The following ADCY9 variants were observed in gnomAD, a reference collection of about 807,000 sequenced individuals.
ADCY9 encodes the protein adenylate cyclase type 9.
Under a neutral mutation model 101.5 loss-of-function variants are expected in ADCY9, and 50 were observed. The observed-to-expected ratio is 0.49, with a 90% CI of 0.39 to 0.62. ADCY9 has a LOEUF of 0.62. Among genes scored for constraint, ADCY9 ranks in the 20% least tolerant of loss-of-function variants. The pLI is 0.00. For synonymous variants in ADCY9, 905 were observed against 769.3 expected, an observed-to-expected ratio of 1.18 and a Z score of -2.92; for missense variants, 1,662 against 1,800.4, an observed-to-expected ratio of 0.92 and a Z score of 1.39.
intron 5 of ADCY9, among the ~76,000 whole-genome samples, chr16:3,990,378 A>G (rs1163470764): frequency 6.6e-6 from 1 of 152,068 alleles, no homozygotes; most frequent in Non-Finnish European, 1.5e-5. Flanking sequence ...AGGCAGGAGA[A>G]TCACTTGAAC....
At chr16:4,075,141 C>T (rs1378709247) in intron 2 of ADCY9, among the ~76,000 whole-genome samples, 1 of 151,778 alleles carries the variant, frequency 6.6e-6, no homozygotes, top group Non-Finnish European at 1.5e-5. Flanking sequence ...CATGCCACTC[C>T]ACTCCAGCCT....
chr16:4,010,103 G>T (rs2056393656), intron 2 of ADCY9, among the ~76,000 whole-genome samples: 1 of 152,208 alleles, frequency 6.6e-6, no homozygotes, highest in South Asian at 2.1e-4. Context: ...GTCTGTGGCT[G>T]GCCCTGCAAG....
intron 2 of ADCY9, among the ~76,000 whole-genome samples, chr16:4,088,933 C>T (rs2056956284): frequency 6.6e-6 from 1 of 151,990 alleles, no homozygotes; most frequent in Non-Finnish European, 1.5e-5. Flanking sequence ...ATTTTCATCA[C>T]CCCGAAAGGA....
intron 2 of ADCY9, among the ~76,000 whole-genome samples, chr16:4,069,421 AG>A (rs1164061749): frequency 2.3e-5 from 2 of 88,460 alleles, no homozygotes; most frequent in African/African-American, 9.1e-5. Flanking sequence ...TTCTCGGGGG[AG>A]CCGTGAAGAT....
downstream of ADCY9, among the ~76,000 whole-genome samples, chr16:3,959,121 G>A (rs7198973): frequency 0.29 from 43,408 of 151,962 alleles, 7,052 homozygotes; most frequent in African/African-American, 0.43. Flanking sequence ...AGCACTTTGG[G>A]AGGCTGAGGT....
chr16:3,969,615 T>TC (rs2056033927), intron 10 of ADCY9, among the ~76,000 whole-genome samples: 1 of 88,458 alleles, frequency 1.1e-5, no homozygotes, highest in Non-Finnish European at 2.0e-5. Flanking sequence ...TATATGTATT[T>TC]TTTTTTTTTT....
rs1042847369 is a variant in ADCY9, at chr16:4,114,578, C to T, written c.865G>A (p.Gly289Ser). The stretch of plus-strand genomic sequence containing the variant: ...TGGACCCCGATGGCGTGGATGCAGC[C>T]GTGGAGCAGCCCCCTGCTCAGCAGC... ...WELLSRGLLHGCIHAIGVHLF... is the reference protein window; with the variant it reads ...WELLSRGLLHSCIHAIGVHLF... The change falls in exon 2 of 11, where the codon GGC becomes AGC. Residue 289 changes from glycine (G) to serine (S), a missense_variant. By Grantham distance (56) the Gly-to-Ser change is moderately conservative (BLOSUM62 0). Coordinates refer to ENST00000294016, the MANE Select transcript of ADCY9 (RefSeq NM_001116.4). The surrounding 1 kb of genome is among the most constrained non-coding windows in gnomAD (Gnocchi z 4.3). 4 of 1,613,966 alleles carry T rather than the reference C, an allele frequency of 2.5e-6. No homozygotes were observed. Among genetic ancestry groups the T allele is most frequent in the Non-Finnish European group, 1.7e-6 (2 of 1,180,034 alleles).
chr16:4,084,295 A>G (rs1359880893), intron 2 of ADCY9, among the ~76,000 whole-genome samples: 1 of 151,938 alleles, frequency 6.6e-6, no homozygotes, highest in Non-Finnish European at 1.5e-5. Flanking sequence ...TATTTTTAGT[A>G]GAGACAGGGT....
chr16:4,063,940 G>T (rs903891692), intron 2 of ADCY9, among the ~76,000 whole-genome samples: 1 of 152,130 alleles, frequency 6.6e-6, no homozygotes, highest in Non-Finnish European at 1.5e-5. Context: ...TACTGGAGGT[G>T]CTATCCAGAA....
At chr16:4,056,879 C>T (rs1337770842) in intron 2 of ADCY9, among the ~76,000 whole-genome samples, 1 of 152,140 alleles carries the variant, frequency 6.6e-6, no homozygotes, top group Non-Finnish European at 1.5e-5. Context: ...GAAGCTGTCT[C>T]AAGACAGTGA....
intron 2 of ADCY9, among the ~76,000 whole-genome samples, chr16:4,042,997 C>A (rs550522431): frequency 6.6e-6 from 1 of 152,090 alleles, no homozygotes; most frequent in South Asian, 2.1e-4. Flanking sequence ...TTTGGGAGGC[C>A]GAGGCGGGCA....
At chr16:3,977,723 T>A in intron 8 of ADCY9, 93 bp from the exon 9 acceptor site, 1 of 1,457,454 alleles carries the variant, frequency 6.9e-7, no homozygotes, top group Non-Finnish European at 9.2e-7. Flanking sequence ...TAATCCATGT[T>A]TCCTTTTTTT....
chr16:3,989,235 C>T (rs968836464), intron 5 of ADCY9, 139 bp from the exon 6 acceptor site: 5 of 610,114 alleles, frequency 8.2e-6, no homozygotes, highest in East Asian at 5.5e-5. Flanking sequence ...GTGGAACAGA[C>T]GCCACTCAGC....
intron 2 of ADCY9, among the ~76,000 whole-genome samples, chr16:4,097,714 T>C (rs1036661316): frequency 2.0e-5 from 3 of 150,796 alleles, no homozygotes; most frequent in Middle Eastern, 6.3e-3. Flanking sequence ...GCCCAGCTGA[T>C]TTTTGTATTT....
At chr16:4,023,499 G>C (rs2056492437) in intron 2 of ADCY9, among the ~76,000 whole-genome samples, 1 of 152,224 alleles carries the variant, frequency 6.6e-6, no homozygotes. Flanking sequence ...GCATGGAAAG[G>C]ACGGTCCCAG....
intron 2 of ADCY9, among the ~76,000 whole-genome samples, chr16:4,014,130 C>T (rs1288741864): frequency 2.0e-5 from 3 of 152,030 alleles, no homozygotes. Flanking sequence ...ACCAGCCTGG[C>T]CAACATGGCG....
intron 2 of ADCY9, among the ~76,000 whole-genome samples, chr16:4,040,348 G>C (rs892983173): frequency 6.6e-6 from 1 of 152,002 alleles, no homozygotes; most frequent in South Asian, 2.1e-4. Flanking sequence ...AATCAAGAAA[G>C]CTTCTTTTAA....
chr16:4,097,547 A>ATCTT (rs1393767540), intron 2 of ADCY9, among the ~76,000 whole-genome samples: 1 of 46,724 alleles, frequency 2.1e-5, no homozygotes, highest in East Asian at 6.0e-4. Context: ...ATATATATAT[A>ATCTT]TATATATTTT....
intron 5 of ADCY9, among the ~76,000 whole-genome samples, chr16:3,991,767 A>T (rs1037480303): frequency 0.41 from 51,918 of 126,002 alleles, 12,745 homozygotes; most frequent in Non-Finnish European, 0.54. Context: ...TCCTTATAAA[A>T]AAAAAAAAAA....
Sources: allele counts gnomAD v4.1 joint callset (sites outside exome capture counted in the v4.1 genomes callset), GRCh38; gene constraint gnomAD v4.1.1; non-coding constraint Gnocchi (gnomAD v3.1); transcripts MANE v1.5; gene names NCBI Gene and HGNC (gene_info 2026-07-23, HGNC 2026-07-21).